The following CDS1 variants were observed in gnomAD, a reference collection of about 807,000 sequenced individuals.
CDS1 encodes the protein phosphatidate cytidylyltransferase 1.
In CDS1, 41 loss-of-function variants were observed where a neutral mutation model predicts 62.1. That is an observed-to-expected ratio of 0.66 (90% CI 0.51 to 0.86). CDS1 has a LOEUF of 0.86. Ranked by LOEUF, CDS1 falls within the 40% of genes least tolerant of loss-of-function variation. CDS1 has a pLI of 0.00. For synonymous variants in CDS1, 185 were observed against 192.6 expected (o/e 0.96, Z 0.32); for missense variants, 470 against 550.1 (o/e 0.85, Z 1.46).
chr4:84,622,607 A>G (rs1723723993), intron 5 of CDS1, among the ~76,000 whole-genome samples: 1 of 152,144 alleles, frequency 6.6e-6, no homozygotes, highest in Non-Finnish European at 1.5e-5. Context: ...TAATAATAAT[A>G]ATAATAAAAG....
chr4:84,614,685 C>G (rs1194756240), intron 3 of CDS1, among the ~76,000 whole-genome samples: 1 of 152,104 alleles, frequency 6.6e-6, no homozygotes, highest in Non-Finnish European at 1.5e-5. Flanking sequence ...TAACAATACA[C>G]AGACAAATCT....
chr4:84,598,660 G>A (rs756280628), intron 1 of CDS1, among the ~76,000 whole-genome samples: 2 of 151,960 alleles, frequency 1.3e-5, no homozygotes, highest in Admixed American at 6.6e-5. Flanking sequence ...TTATTTTCAG[G>A]TGGGATCTTG....
intron 10 of CDS1, among the ~76,000 whole-genome samples, 156 bp downstream of exon 10, chr4:84,641,146 A>G (rs1395447447): frequency 6.6e-6 from 1 of 152,102 alleles, no homozygotes; most frequent in African/African-American, 2.4e-5. Context: ...CGTAATCTCA[A>G]CTTACTGCAA....
chr4:84,630,732 G>C (rs1723993408), intron 5 of CDS1, among the ~76,000 whole-genome samples: 1 of 152,020 alleles, frequency 6.6e-6, no homozygotes, highest in Non-Finnish European at 1.5e-5. Flanking sequence ...TTGAGGCCAG[G>C]AGTTCAAGGC....
intron 7 of CDS1, 103 bp downstream of exon 7, chr4:84,634,042 T>C (rs1200830691): frequency 1.7e-6 from 1 of 602,616 alleles, no homozygotes; most frequent in African/African-American, 1.9e-5. Flanking sequence ...ATGTACTGTT[T>C]GTTGTTCTTA....
At chr4:84,612,948 C>T (rs1723369665) in intron 3 of CDS1, among the ~76,000 whole-genome samples, 2 of 145,248 alleles carry the variant, frequency 1.4e-5, no homozygotes, top group Admixed American at 6.9e-5. Context: ...GAGATCACAC[C>T]ACGGCACTCC....
chr4:84,644,571 T>TAGAA (rs1724497022), intron 11 of CDS1, among the ~76,000 whole-genome samples: 1 of 152,200 alleles, frequency 6.6e-6, no homozygotes, highest in South Asian at 2.1e-4. Flanking sequence ...TTAGGGTGCC[T>TAGAA]GAGTGAACTA....
intron 7 of CDS1, among the ~76,000 whole-genome samples, chr4:84,634,655 T>TTG (rs530006509): frequency 6.6e-6 from 1 of 151,864 alleles, no homozygotes; most frequent in Non-Finnish European, 1.5e-5. Flanking sequence ...GGTTGTGTCT[T>TTG]TGTGTGTGTG....
chr4:84,624,439 TTGTC>T (rs1334337691), intron 5 of CDS1, among the ~76,000 whole-genome samples: 2 of 151,920 alleles, frequency 1.3e-5, no homozygotes, highest in East Asian at 1.9e-4. Context: ...ATTCCAGAAA[TTGTC>T]TGAGTATTCA....
At chr4:84,610,893 C>A (rs1406507736) in intron 3 of CDS1, among the ~76,000 whole-genome samples, 2 of 152,144 alleles carry the variant, frequency 1.3e-5, no homozygotes, top group Non-Finnish European at 2.9e-5. Context: ...GGCACAACAA[C>A]GAAATTGCCT....
At chr4:84,594,295 C>T (rs1244049449) in intron 1 of CDS1, among the ~76,000 whole-genome samples, 1 of 152,084 alleles carries the variant, frequency 6.6e-6, no homozygotes, top group African/African-American at 2.4e-5. Flanking sequence ...CTAAGGGGTG[C>T]TGGCCACGCA....
intron 1 of CDS1, among the ~76,000 whole-genome samples, chr4:84,598,448 G>A (rs1478556426): frequency 2.7e-5 from 4 of 150,102 alleles, no homozygotes; most frequent in African/African-American, 9.8e-5. Flanking sequence ...TACTTTTAGG[G>A]TACATGTGCA....
At chr4:84,601,138 A>G (rs528988787) in intron 1 of CDS1, among the ~76,000 whole-genome samples, 1 of 134,950 alleles carries the variant, frequency 7.4e-6, no homozygotes, top group Admixed American at 9.1e-5. Flanking sequence ...ACGCCACTGC[A>G]CTCCAGCCTA....
chr4:84,639,066 C>T (rs1724302663), intron 9 of CDS1, 74 bp downstream of exon 9: 1 of 679,558 alleles, frequency 1.5e-6, no homozygotes. Flanking sequence ...TAATTTTAAA[C>T]CTAGAAAAAT....
chr4:84,628,053 T>C (rs1471204561), intron 5 of CDS1, among the ~76,000 whole-genome samples: 1 of 152,186 alleles, frequency 6.6e-6, no homozygotes, highest in Non-Finnish European at 1.5e-5. Context: ...AACTCAGTTA[T>C]AGCCTGGTGT....
intron 10 of CDS1, among the ~76,000 whole-genome samples, chr4:84,642,407 A>G (rs1724414499): frequency 6.6e-6 from 1 of 152,054 alleles, no homozygotes; most frequent in South Asian, 2.1e-4. Flanking sequence ...TATAAATTGT[A>G]GTTTCAGATT....
intron 2 of CDS1, 22 bp from the exon 3 acceptor site, chr4:84,609,407 T>C: frequency 2.8e-6 from 4 of 1,454,132 alleles, no homozygotes; most frequent in Non-Finnish European, 3.9e-6. Flanking sequence ...CGTTAAATAC[T>C]AACTTTACAT....
chr4:84,638,857 A>G (rs1724295637), intron 8 of CDS1, 67 bp from the exon 9 acceptor site: 1 of 396,280 alleles, frequency 2.5e-6, no homozygotes, highest in Non-Finnish European at 4.4e-6. Context: ...TTATATATAT[A>G]TATATATATA....
intron 1 of CDS1, among the ~76,000 whole-genome samples, chr4:84,587,162 C>T (rs932656417): frequency 1.3e-5 from 2 of 152,140 alleles, no homozygotes; most frequent in African/African-American, 2.4e-5. Context: ...AACCAATGAG[C>T]TTCAAGGGAT....
Sources: allele counts gnomAD v4.1 joint callset (sites outside exome capture counted in the v4.1 genomes callset), GRCh38; gene constraint gnomAD v4.1.1; transcripts MANE v1.5; gene names NCBI Gene and HGNC (gene_info 2026-07-23, HGNC 2026-07-21).